Variants in AMOTL1 observed in about 807,000 individuals in gnomAD.
AMOTL1 encodes the protein angiomotin like 1, also known as angiomotin-like protein 1.
A neutral mutation model predicts 102.9 loss-of-function variants in AMOTL1; 45 were observed. The observed-to-expected ratio is 0.44, with a 90% CI of 0.34 to 0.56. AMOTL1 has a LOEUF of 0.56. Ranked by LOEUF, AMOTL1 falls within the 20% of genes least tolerant of loss-of-function variation. AMOTL1 has a pLI of 0.01. For missense variants in AMOTL1, 1,114 were observed against 1,225.6 expected, an observed-to-expected ratio of 0.91 and a Z score of 1.36; for synonymous variants, 481 against 484.7, an observed-to-expected ratio of 0.99 and a Z score of 0.10.
At chr11:94,870,581 G>T in intron 12 of AMOTL1, 108 bp from the exon 13 acceptor site, 1 of 728,740 alleles carries the variant, frequency 1.4e-6, no homozygotes, top group South Asian at 2.0e-5. Flanking sequence ...CCTGTGGTGA[G>T]AATCCTGGGT....
chr11:94,760,018 T>A (rs1002812018), intron 3 of AMOTL1, among the ~76,000 whole-genome samples: 9 of 152,240 alleles, frequency 5.9e-5, no homozygotes, highest in African/African-American at 2.2e-4. Context: ...TCAGAAACTC[T>A]GGAGCGGGGC....
intron 1 of AMOTL1, among the ~76,000 whole-genome samples, chr11:94,777,750 G>C (rs1303463230): frequency 6.6e-6 from 1 of 152,164 alleles, no homozygotes; most frequent in African/African-American, 2.4e-5. Flanking sequence ...AGAGACATTA[G>C]GGAGCATGAC....
chr11:94,840,361 G>A (rs1363115717), intron 6 of AMOTL1, among the ~76,000 whole-genome samples: 1 of 152,046 alleles, frequency 6.6e-6, no homozygotes, highest in African/African-American at 2.4e-5. Flanking sequence ...TTAAAAATAA[G>A]CTTGCATCTG....
chr11:94,808,327 A>G (rs1951602037), intron 3 of AMOTL1, among the ~76,000 whole-genome samples: 1 of 152,184 alleles, frequency 6.6e-6, no homozygotes, highest in Non-Finnish European at 1.5e-5. Context: ...TACTTGAGAA[A>G]TGTTTTGATT....
At chr11:94,847,387 G>T (rs1952438713) in intron 6 of AMOTL1, among the ~76,000 whole-genome samples, 2 of 152,188 alleles carry the variant, frequency 1.3e-5, no homozygotes, top group Admixed American at 1.3e-4. Flanking sequence ...TTCTTGTTCA[G>T]TGGACACTGA....
In AMOTL1 at chr11:94,864,832, A is replaced by G. The variant is rs558046948; in HGVS notation, c.2233A>G (p.Asn745Asp). ...WQEEEEVVQA[N>D]RRCQDMEYTI... is the part of the protein sequence containing the mutation. Reference sequence around the variant, plus strand: ...AGAGGAGGAGGAGGTGGTGCAGGCCAACAGAAGGTGTCAGGACATGGAATA... The same window carrying G: ...AGAGGAGGAGGAGGTGGTGCAGGCCGACAGAAGGTGTCAGGACATGGAATA... The change falls in exon 10 of 13, where the codon AAC becomes GAC. Residue 745 changes from asparagine (N) to aspartate (D), a missense_variant. Physicochemically the swap from Asn to Asp is conservative, Grantham distance 23. Transcript: ENST00000433060. The G allele has an allele frequency of 2.6e-5, 42 of 1,613,810 alleles. 1 individual carries two copies. In the South Asian group the frequency reaches 4.4e-4, roughly 17 times the overall value.
At position 94,859,519 on chromosome 11, in the gene AMOTL1, C is replaced by A. The variant is rs367781663; in HGVS notation, c.1945-6C>A. On this transcript the variant is annotated splice_region_variant and splice_polypyrimidine_tract_variant and intron_variant, in intron 8 of 12. Transcript: ENST00000433060. Reference sequence around the variant, plus strand: ...GAGCATCAAGATTTTTTTTCTACTCCTTCAGAAACATGGAAATGGCCAGCC... The same window carrying A: ...GAGCATCAAGATTTTTTTTCTACTCATTCAGAAACATGGAAATGGCCAGCC... 1 of 1,607,906 alleles carries A rather than the reference C, an allele frequency of 6.2e-7. No individual in the cohort carries two copies. Among genetic ancestry groups the A allele is most frequent in the South Asian group, 1.1e-5 (1 of 90,146 alleles).
At chr11:94,764,096 C>T (rs1239508337), upstream of AMOTL1, among the ~76,000 whole-genome samples, 1 of 152,196 alleles carries the variant, frequency 6.6e-6, no homozygotes, top group African/African-American at 2.4e-5. Context: ...CTCTCAGCAC[C>T]TGGATTTCTT....
At chr11:94,769,815 G>A (rs1950918785) in intron 1 of AMOTL1, among the ~76,000 whole-genome samples, 1 of 152,102 alleles carries the variant, frequency 6.6e-6, no homozygotes, top group Non-Finnish European at 1.5e-5. Context: ...TTCTCCTGAG[G>A]CATGTTATGA....
In AMOTL1 at chr11:94,744,742, T is replaced by C. The variant is rs181836129; in HGVS notation, c.136+3754T>C. Among the ~76,000 whole-genome samples the C allele has an allele frequency of 5.4e-3, 819 of 152,322 alleles. 7 individuals carry two copies. The highest frequency in any genetic ancestry group is 9.7e-3 in the South Asian group (47 of 4,826). On this transcript the variant is annotated intron_variant, in intron 3 of 4. Coordinates refer to the AMOTL1 transcript ENST00000299004. ...GTCATGGAGTTTAAATTTGTAACAT[T>C]GGTTTAATAACAACTTTTCAGAGAG...
rs1952998195 is a variant in AMOTL1, at chr11:94,871,631, G to C, written c.*836G>C. The stretch of plus-strand genomic sequence containing the variant: ...ATAGTGACCAGTAGGACAAAGCCAC[G>C]TGCCGACTTCCTGGCTGCTTCACCT... On this transcript the variant is annotated 3_prime_UTR_variant, in exon 13 of 13. Transcript: ENST00000433060. 1 of 152,118 alleles carries C rather than the reference G, an allele frequency of 6.6e-6. No homozygotes were observed. Among genetic ancestry groups the C allele is most frequent in the South Asian group, 2.1e-4 (1 of 4,820 alleles). The allele number at this position is 152,118 out of a possible 1,614,324, so 9.4% of individuals were successfully genotyped here.
At chr11:94,808,965 C>CTTTTTTT (rs199619372) in intron 3 of AMOTL1, among the ~76,000 whole-genome samples, 155 of 111,890 alleles carry the variant, frequency 1.4e-3, no homozygotes, top group Non-Finnish European at 2.0e-3. Context: ...TTCTTTCTTT[C>CTTTTTTT]TTTTTTTTTT....
In AMOTL1 at chr11:94,736,244, C is replaced by T. The variant is rs563927575; in HGVS notation, c.86-4694C>T. ...GCCCTCTATGTGGGAAGAAAATGAA[C>T]ATTTATTTATGTATGTATGTATTTT... On this transcript the variant is annotated intron_variant, in intron 2 of 4. Coordinates refer to the AMOTL1 transcript ENST00000299004. Among the ~76,000 whole-genome samples the T allele has an allele frequency of 9.9e-5, 15 of 152,218 alleles. No homozygotes were observed. The East Asian group carries it at 2.9e-3, about 29-fold the overall frequency.
At chr11:94,781,888 A>G (rs1489320169) in intron 1 of AMOTL1, among the ~76,000 whole-genome samples, 2 of 152,208 alleles carry the variant, frequency 1.3e-5, no homozygotes, top group South Asian at 2.1e-4. Flanking sequence ...ATGCTAAGAC[A>G]TACTCTCACC....
At chr11:94,751,162 C>A (rs532939101) in intron 3 of AMOTL1, among the ~76,000 whole-genome samples, 2 of 152,252 alleles carry the variant, frequency 1.3e-5, no homozygotes, top group East Asian at 3.9e-4. Flanking sequence ...CAGTACAATA[C>A]ATGGATATTC....
intron 2 of AMOTL1, among the ~76,000 whole-genome samples, chr11:94,732,290 A>T (rs1950366368): frequency 6.6e-6 from 1 of 152,132 alleles, no homozygotes; most frequent in Non-Finnish European, 1.5e-5. Context: ...ATAGGCCTTG[A>T]GGCAGATCCA....
intron 3 of AMOTL1, among the ~76,000 whole-genome samples, chr11:94,762,923 G>C (rs1950811743): frequency 6.6e-6 from 1 of 152,208 alleles, no homozygotes; most frequent in African/African-American, 2.4e-5. Context: ...ACAGGCCTCA[G>C]ATCTATAACT....
intron 6 of AMOTL1, among the ~76,000 whole-genome samples, chr11:94,840,681 T>TATATATATATACAC (rs1166713705): frequency 7.6e-5 from 8 of 104,806 alleles, no homozygotes; most frequent in African/African-American, 3.2e-4. Flanking sequence ...TATATATATA[T>TATATATATATACAC]ACACACACAC....
chr11:94,779,012 C>T (rs2847508), intron 1 of AMOTL1, among the ~76,000 whole-genome samples: 148,304 of 152,310 alleles, frequency 0.97, 72,315 homozygotes, highest in Middle Eastern at 1. Context: ...ACTCCTCTAT[C>T]TTCTCTTGGC....
Sources: gnomAD v4.1 joint callset for allele counts (sites outside exome capture counted in the v4.1 genomes callset) on GRCh38, gnomAD v4.1.1 for gene constraint, MANE v1.5 for transcripts, NCBI Gene and HGNC (gene_info 2026-07-23, HGNC 2026-07-21) for gene names.